NDUFAF5: variants seen among roughly 807,000 people sequenced by gnomAD.
NDUFAF5 encodes the protein arginine-hydroxylase NDUFAF5, mitochondrial.
A neutral mutation model predicts 48.9 loss-of-function variants in NDUFAF5; 34 were observed. The ratio of observed to expected loss-of-function variants is 0.70; its 90% CI spans 0.53 to 0.93. The LOEUF is 0.93. NDUFAF5 is among the 40% of genes least tolerant of loss of function. The pLI is 0.00. For missense variants in NDUFAF5, 428 were observed against 427.5 expected, an observed-to-expected ratio of 1.00 and a Z score of -0.01; for synonymous variants, 153 against 150.6, an observed-to-expected ratio of 1.02 and a Z score of -0.12.
At chr20:13,803,457 ATAAG>A (rs1390800961) in intron 7 of NDUFAF5, 1 of 152,260 alleles carries the variant, frequency 6.6e-6, no homozygotes, top group Non-Finnish European at 1.5e-5. Flanking sequence ...TTGTAATTGT[ATAAG>A]TAACACAAAT....
intron 8 of NDUFAF5, among the ~76,000 whole-genome samples, chr20:13,812,035 G>A (rs914970057): frequency 1.3e-5 from 2 of 152,160 alleles, no homozygotes; most frequent in Admixed American, 6.5e-5. Flanking sequence ...CTTAAGTTAC[G>A]AGTGAGAATA....
At chr20:13,793,733 T>C (rs1982721512) in intron 4 of NDUFAF5, among the ~76,000 whole-genome samples, 1 of 152,260 alleles carries the variant, frequency 6.6e-6, no homozygotes, top group African/African-American at 2.4e-5. Flanking sequence ...TTTATTTTTT[T>C]CCGTGGGTAT....
Position 13,793,225 on chromosome 20 carries a change from T to C in NDUFAF5, c.373T>C (p.Leu125=), listed in dbSNP as rs1360059887. Residue 125 remains leucine, a splice_region_variant and synonymous_variant, in exon 4 of 11, where the codon TTG becomes CTG. Transcript: ENST00000378106. ...CCAAGCTGACATTGCAGAAAATGCT[T>C]TGGTAGGTAGCTTTTTAATACTGTT... is the stretch of plus-strand genomic sequence containing the variant. ...FFQADIAENA[L]KNSSETEIPT... 1.2e-6 allele frequency: 2 copies of C among 1,612,536 alleles called. No individual in the cohort carries two copies. The highest frequency in any genetic ancestry group is 1.7e-6 in the Non-Finnish European group (2 of 1,178,876).
At chr20:13,803,976 GGGTTTCACCATGTT>G (rs1297213198) in intron 7 of NDUFAF5, among the ~76,000 whole-genome samples, 1 of 151,958 alleles carries the variant, frequency 6.6e-6, no homozygotes, top group African/African-American at 2.4e-5. Flanking sequence ...AGTAGAGATG[GGGTTTCACCATGTT>G]GGCCAGTCTG....
At chr20:13,786,082 C>G (rs1191564436) in intron 1 of NDUFAF5, among the ~76,000 whole-genome samples, 1 of 152,072 alleles carries the variant, frequency 6.6e-6, no homozygotes. Context: ...TTCTCCCTGC[C>G]CAGGTGAGCC....
intron 6 of NDUFAF5, among the ~76,000 whole-genome samples, chr20:13,800,122 T>TC (rs1009961819): frequency 1.1e-4 from 16 of 152,116 alleles, no homozygotes; most frequent in African/African-American, 3.9e-4. Context: ...ACTTTGGACT[T>TC]CTGAGAAGAT....
Position 13,820,207 on chromosome 20 carries a change from A to T in NDUFAF5, c.*2997A>T, listed in dbSNP as rs1198047552. The T allele has an allele frequency of 6.6e-6, 1 of 152,200 alleles. No homozygotes were observed. The highest frequency in any genetic ancestry group is 2.4e-5 in the African/African-American group (1 of 41,432). 9.4% of individuals were successfully genotyped at this position (152,200 alleles called of 1,614,324 possible). A position where few individuals can be genotyped will look rare whatever the true frequency, so the allele number is the denominator to read the frequency against. On this transcript the variant is annotated 3_prime_UTR_variant, in exon 11 of 11. Coordinates refer to ENST00000378106, the MANE Select transcript of NDUFAF5 (RefSeq NM_024120.5). ...TACAAAAGAATTTTTGCTTTATAGG[A>T]AGAATTTGTAGGATTTATTGAGATG... is the stretch of plus-strand genomic sequence containing the variant.
At chr20:13,806,332 C>T (rs908926671) in intron 7 of NDUFAF5, among the ~76,000 whole-genome samples, 4 of 152,130 alleles carry the variant, frequency 2.6e-5, no homozygotes, top group Non-Finnish European at 2.9e-5. Context: ...ACAGTGAAAC[C>T]CCGTCTCTGC....
At chr20:13,787,870 T>A (rs1335328672) in intron 2 of NDUFAF5, among the ~76,000 whole-genome samples, 3 of 152,116 alleles carry the variant, frequency 2.0e-5, no homozygotes, top group African/African-American at 7.2e-5. Context: ...GTAGATAAAA[T>A]TTTAAGTTTT....
At chr20:13,812,941 C>T (rs1986049753) in intron 8 of NDUFAF5, 1 of 152,158 alleles carries the variant, frequency 6.6e-6, no homozygotes, top group Non-Finnish European at 1.5e-5. Flanking sequence ...CCCTCTTTTC[C>T]TAAAGGTTTC....
At chr20:13,811,217 A>T (rs141200654) in intron 8 of NDUFAF5, among the ~76,000 whole-genome samples, 32 of 152,312 alleles carry the variant, frequency 2.1e-4, no homozygotes, top group Non-Finnish European at 4.4e-4. Context: ...GGAGCTGAGC[A>T]CAGGTGGTTC....
chr20:13,785,170 T>C lies in NDUFAF5; in HGVS notation c.102T>C (p.Ser34=), dbSNP rs1980740401. 6.2e-7 allele frequency: 1 copy of C among 1,613,786 alleles called. No homozygotes were observed. Among genetic ancestry groups the C allele is most frequent in the Admixed American group, 1.7e-5 (1 of 59,998 alleles). ...GTAGGGAAGTCACCTCTGGTGTCTC[T>C]CCCCGCGGTAGCACCTCGCCCAGAA... is the stretch of plus-strand genomic sequence containing the variant. ...LGRREVTSGV[S]PRGSTSPRTL... The change falls in exon 1 of 11, where the codon TCT becomes TCC. Residue 34 remains serine, a synonymous_variant. Coordinates refer to ENST00000378106, the MANE Select transcript of NDUFAF5 (RefSeq NM_024120.5).
At chr20:13,796,777 A>G (rs1423466363) in intron 5 of NDUFAF5, among the ~76,000 whole-genome samples, 1 of 152,196 alleles carries the variant, frequency 6.6e-6, no homozygotes, top group Non-Finnish European at 1.5e-5. Context: ...CCAGGAGTTC[A>G]AGACCAACCT....
chr20:13,796,724 A>T (rs1159273028), intron 5 of NDUFAF5, among the ~76,000 whole-genome samples: 1 of 152,196 alleles, frequency 6.6e-6, no homozygotes, highest in African/African-American at 2.4e-5. Context: ...CACGCCTATA[A>T]TCCCAGCCCT....
At position 13,818,120 on chromosome 20, in the gene NDUFAF5, G is replaced by C. The variant is rs1453177934; in HGVS notation, c.*910G>C. 3 of 453,958 alleles carry C rather than the reference G, an allele frequency of 6.6e-6. No homozygotes were observed. In the East Asian group the frequency reaches 2.1e-4, roughly 32 times the overall value. 28.1% of individuals were successfully genotyped at this position (453,958 alleles called of 1,614,324 possible). ...TAGCATTTCCTTCTGTCTCCTCTCAGTCTCTCTTCTGCCTTCCTTCCCTCC... is the reference window on the plus strand; with the variant it reads ...TAGCATTTCCTTCTGTCTCCTCTCACTCTCTCTTCTGCCTTCCTTCCCTCC... On this transcript the variant is annotated 3_prime_UTR_variant, in exon 11 of 11. Coordinates refer to ENST00000378106, the MANE Select transcript of NDUFAF5 (RefSeq NM_024120.5).
chr20:13,800,311 A>G (rs1484019125), intron 6 of NDUFAF5, among the ~76,000 whole-genome samples: 1 of 152,252 alleles, frequency 6.6e-6, no homozygotes, highest in East Asian at 1.9e-4. Flanking sequence ...GGAAGGAACC[A>G]AAGCTTTTAC....
chr20:13,814,645 A>G lies in NDUFAF5; in HGVS notation c.779-1818A>G, dbSNP rs529681830. Reference sequence around the variant, plus strand: ...TGTGAGAGTCTTAAACAGTTAACCTACTAGCCAGATTTTTCTGTTATCTCA... The same window carrying G: ...TGTGAGAGTCTTAAACAGTTAACCTGCTAGCCAGATTTTTCTGTTATCTCA... On this transcript the variant is annotated intron_variant, in intron 8 of 10. Coordinates refer to ENST00000378106, the MANE Select transcript of NDUFAF5 (RefSeq NM_024120.5). The G allele has an allele frequency of 2.2e-4, 97 of 431,274 alleles. 2 individuals are homozygous for G. In the Middle Eastern group the frequency reaches 3.4e-3, roughly 15 times the overall value. 26.7% of individuals were successfully genotyped at this position (431,274 alleles called of 1,614,324 possible). A position where few individuals can be genotyped will look rare whatever the true frequency, so the allele number is the denominator to read the frequency against.
chr20:13,789,563 C>T (rs1478725218), intron 3 of NDUFAF5, among the ~76,000 whole-genome samples: 1 of 151,814 alleles, frequency 6.6e-6, no homozygotes, highest in Non-Finnish European at 1.5e-5. Context: ...GCAAGCTTTG[C>T]CTTCCAGGTT....
chr20:13,789,878 A>C (rs1163285577), intron 3 of NDUFAF5, among the ~76,000 whole-genome samples: 2 of 152,200 alleles, frequency 1.3e-5, no homozygotes, highest in Non-Finnish European at 2.9e-5. Flanking sequence ...TATTATTGGT[A>C]ATAGTAAATG....
Sources: gnomAD v4.1 joint callset for allele counts (sites outside exome capture counted in the v4.1 genomes callset) on GRCh38, gnomAD v4.1.1 for gene constraint, MANE v1.5 for transcripts, NCBI Gene and HGNC (gene_info 2026-07-23, HGNC 2026-07-21) for gene names.